BCAR3: variants seen among roughly 807,000 people sequenced by gnomAD.
BCAR3 encodes BCAR3 adaptor protein, NSP family member.
A neutral mutation model predicts 80.1 loss-of-function variants in BCAR3; 37 were observed. The observed-to-expected ratio is 0.46, with a 90% CI of 0.36 to 0.61. The LOEUF (loss-of-function observed/expected upper bound fraction) is 0.61, where lower values mean the gene tolerates loss of function less well. BCAR3 is among the 20% of genes least tolerant of loss of function. The pLI, the probability that BCAR3 is intolerant of heterozygous loss-of-function variation, is 0.00. For synonymous variants in BCAR3, 389 were observed against 418.9 expected, an observed-to-expected ratio of 0.93 and a Z score of 0.87; for missense variants, 978 against 1,068.2, an observed-to-expected ratio of 0.92 and a Z score of 1.18.
chr1:93,587,186 A>G (rs1418143645), intron 5 of BCAR3, among the ~76,000 whole-genome samples: 1 of 152,006 alleles, frequency 6.6e-6, no homozygotes, highest in Non-Finnish European at 1.5e-5. Flanking sequence ...TGAGCTCCTT[A>G]TATTAATTTT....
At chr1:93,809,563 T>G (rs1653759459) in intron 2 of BCAR3, among the ~76,000 whole-genome samples, 1 of 150,744 alleles carries the variant, frequency 6.6e-6, no homozygotes, top group African/African-American at 2.4e-5. Flanking sequence ...GGGTTAGGAG[T>G]TTGAGACCAC....
chr1:93,567,847 G>C lies in BCAR3; in HGVS notation c.1979C>G (p.Thr660Arg). The C allele has an allele frequency of 5.6e-6, 9 of 1,612,364 alleles. No individual in the cohort carries two copies. The highest frequency in any genetic ancestry group is 7.6e-6 in the Non-Finnish European group (9 of 1,178,372). The change falls in exon 10 of 12, where the codon ACA (threonine) becomes AGA (arginine). Residue 660 changes from threonine to arginine, a missense_variant. Coordinates refer to ENST00000260502, the MANE Select transcript of BCAR3 (RefSeq NM_003567.4). ...AGCAGTCCACGTCTTTTCTAACCTT[G>C]TGATCTGGAAGAAAGGTGGTGTTTT... Reference protein sequence around the residue: ...LMKALEMPQITRLEKTWTALR... With the variant: ...LMKALEMPQIRRLEKTWTALR...
At chr1:93,676,195 C>T (rs1049105842) in intron 1 of BCAR3, among the ~76,000 whole-genome samples, 17 of 152,306 alleles carry the variant, frequency 1.1e-4, no homozygotes, top group Admixed American at 9.8e-4. Context: ...AGCACTACTG[C>T]AGAGTCAGTT....
At chr1:93,828,632 T>C (rs1450300171) in intron 2 of BCAR3, among the ~76,000 whole-genome samples, 1 of 152,178 alleles carries the variant, frequency 6.6e-6, no homozygotes, top group African/African-American at 2.4e-5. Context: ...ATCAAATCTA[T>C]GCATAAAAGT....
intron 1 of BCAR3, among the ~76,000 whole-genome samples, chr1:93,846,560 G>A (rs1023756447): frequency 2.6e-5 from 4 of 152,100 alleles, no homozygotes; most frequent in African/African-American, 7.2e-5. Context: ...GATTCGTGGC[G>A]ACCGCACCCT....
chr1:93,592,249 G>A lies in BCAR3; in HGVS notation c.486+16C>T, dbSNP rs566652961. ...AGAGCAGCCGTGTATGCTCTGGAAGGGACAAGACCAGGTACCTGTCGGGGG... is the reference window on the plus strand; with the variant it reads ...AGAGCAGCCGTGTATGCTCTGGAAGAGACAAGACCAGGTACCTGTCGGGGG... On this transcript the variant is annotated intron_variant, in intron 4 of 11. Coordinates refer to ENST00000260502, the MANE Select transcript of BCAR3 (RefSeq NM_003567.4). The surrounding 1 kb of genome is among the most constrained non-coding windows in gnomAD (Gnocchi z 4.8). 57 of 1,613,348 alleles carry A rather than the reference G, an allele frequency of 3.5e-5. 1 individual carries two copies. In the East Asian group the frequency reaches 5.3e-4, roughly 15 times the overall value.
At chr1:93,838,474 C>A (rs987476527) in intron 2 of BCAR3, among the ~76,000 whole-genome samples, 11 of 152,174 alleles carry the variant, frequency 7.2e-5, no homozygotes, top group African/African-American at 2.7e-4. Flanking sequence ...CCAAATACCC[C>A]CCACTAGGTC....
intron 2 of BCAR3, among the ~76,000 whole-genome samples, chr1:93,756,484 T>A (rs1651753710): frequency 6.6e-6 from 1 of 152,248 alleles, no homozygotes; most frequent in African/African-American, 2.4e-5. Flanking sequence ...AGCACCACTT[T>A]ATGTTATACA....
At chr1:93,613,870 G>A (rs766931784) in intron 3 of BCAR3, 30 of 1,550,386 alleles carry the variant, frequency 1.9e-5, no homozygotes, top group South Asian at 9.5e-5. Flanking sequence ...AAAGACTTGC[G>A]GTGATAGAAG....
At chr1:93,733,612 T>C (rs1375775043) in intron 2 of BCAR3, among the ~76,000 whole-genome samples, 1 of 152,144 alleles carries the variant, frequency 6.6e-6, no homozygotes, top group Non-Finnish European at 1.5e-5. Context: ...TAAACACAGG[T>C]CAGTACCCTT....
At chr1:93,615,649 C>G (rs1675095255) in intron 3 of BCAR3, among the ~76,000 whole-genome samples, 1 of 152,142 alleles carries the variant, frequency 6.6e-6, no homozygotes, top group Admixed American at 6.5e-5. Context: ...CCCCACTGTC[C>G]TCGAAGGTCC....
At position 93,824,978 on chromosome 1, in the gene BCAR3, T is replaced by C. The variant is rs867607774; in HGVS notation, c.-63+20589A>G. Among the ~76,000 whole-genome samples the C allele has an allele frequency of 2.2e-5, 3 of 133,640 alleles. 1 individual carries two copies. The highest frequency in any genetic ancestry group is 2.5e-5 in the African/African-American group (1 of 39,696). The allele number at this position is 133,640 out of a possible 152,430, so 87.7% of individuals were successfully genotyped here. A position where few individuals can be genotyped will look rare whatever the true frequency, so the allele number is the denominator to read the frequency against. ...TTGTTGGGCTTGGCTGTGAGCCACC[T>C]GCCTGGGTTTTGTTCCAAGCCATAC... On this transcript the variant is annotated intron_variant, in intron 2 of 13. Coordinates refer to the BCAR3 transcript ENST00000370244.
At chr1:93,669,126 C>T (rs1204719922) in intron 2 of BCAR3, among the ~76,000 whole-genome samples, 2 of 152,104 alleles carry the variant, frequency 1.3e-5, no homozygotes, top group African/African-American at 4.8e-5. Context: ...CAGATGTTTG[C>T]ATGTGGACCT....
chr1:93,735,066 C>T (rs1650929225), intron 2 of BCAR3, among the ~76,000 whole-genome samples: 1 of 152,240 alleles, frequency 6.6e-6, no homozygotes, highest in South Asian at 2.1e-4. Flanking sequence ...ATCTTGCTCA[C>T]TGTGGTGTTC....
intron 2 of BCAR3, among the ~76,000 whole-genome samples, chr1:93,840,911 G>A (rs1654936351): frequency 6.6e-6 from 1 of 152,158 alleles, no homozygotes; most frequent in Non-Finnish European, 1.5e-5. Context: ...TTGTGAGCTA[G>A]CCACAATGCT....
At chr1:93,847,145 C>T in exon 1 of BCAR3, 1 of 219,908 alleles carries the variant, frequency 4.5e-6, no homozygotes, top group South Asian at 5.6e-5. Flanking sequence ...GTCACCGGCC[C>T]GGCTTAACGG....
At chr1:93,657,857 C>A (rs1647462677) in intron 2 of BCAR3, among the ~76,000 whole-genome samples, 1 of 152,010 alleles carries the variant, frequency 6.6e-6, no homozygotes, top group Non-Finnish European at 1.5e-5. Context: ...CTGCCAAAAA[C>A]CTCAGCAAGT....
chr1:93,567,831 C>T lies in BCAR3; in HGVS notation c.1995G>A (p.Thr665=), dbSNP rs375568699. The T allele has an allele frequency of 7.2e-5, 116 of 1,614,026 alleles. No individual in the cohort carries two copies. The African/African-American group carries it at 1.1e-3, about 15-fold the overall frequency. Reference sequence around the variant, plus strand: ...TGTACTGGTGCCGCAGAGCAGTCCACGTCTTTTCTAACCTTGTGATCTGGA... The same window carrying T: ...TGTACTGGTGCCGCAGAGCAGTCCATGTCTTTTCTAACCTTGTGATCTGGA... ...EMPQITRLEK[T]WTALRHQYTQ... The change falls in exon 10 of 12, where the codon ACG becomes ACA. Residue 665 remains threonine (T), a synonymous_variant. Coordinates refer to ENST00000260502, the MANE Select transcript of BCAR3 (RefSeq NM_003567.4).
chr1:93,595,535 C>A (rs1226285764), intron 3 of BCAR3, among the ~76,000 whole-genome samples: 1 of 152,198 alleles, frequency 6.6e-6, no homozygotes, highest in Non-Finnish European at 1.5e-5. Context: ...CATATGGCCA[C>A]CTCATGATGA....
Sources: gnomAD v4.1 joint callset for allele counts (sites outside exome capture counted in the v4.1 genomes callset) on GRCh38, gnomAD v4.1.1 for gene constraint, Gnocchi (gnomAD v3.1) non-coding constraint, MANE v1.5 for transcripts, NCBI Gene and HGNC (gene_info 2026-07-23, HGNC 2026-07-21) for gene names.